The following UPP2 variants were observed in gnomAD, a reference collection of about 807,000 sequenced individuals.
UPP2 encodes uridine phosphorylase 2, also known as UPase 2.
UPP2 carries 23 observed loss-of-function variants against 26.7 expected under a neutral mutation model. The observed-to-expected ratio is 0.86, with a 90% CI of 0.62 to 1.22. UPP2 has a LOEUF of 1.22. Ranked by LOEUF, UPP2 falls within the 50% of genes most tolerant of loss-of-function variation. UPP2 has a pLI of 0.00. For synonymous variants in UPP2, 127 were observed against 141.3 expected (o/e 0.90, Z 0.72); for missense variants, 387 against 396.7 (o/e 0.98, Z 0.21).
rs187910529 is a variant in UPP2, at chr2:158,022,328, G to A, written c.147+6442G>A. Among the ~76,000 whole-genome samples the A allele has an allele frequency of 4.9e-3, 747 of 151,510 alleles. 9 individuals are homozygous for A. Among genetic ancestry groups the A allele is most frequent in the African/African-American group, 0.017 (697 of 41,364 alleles). The stretch of plus-strand genomic sequence containing the variant: ...CAAAAAATTAGCTGGGCGTAGTGGC[G>A]GGCGCCTGTAATCCCAGCTACTCAG... On this transcript the variant is annotated intron_variant, in intron 3 of 9. Coordinates refer to the UPP2 transcript ENST00000605860.
intron 2 of UPP2, among the ~76,000 whole-genome samples, chr2:158,012,263 CTTTTTTT>C (rs34807293): frequency 0.011 from 860 of 81,674 alleles, 11 homozygotes; most frequent in African/African-American, 0.033. Context: ...TTGTTTCTAC[CTTTTTTT>C]TTTTTTTTTT....
intron 3 of UPP2, among the ~76,000 whole-genome samples, chr2:158,116,618 A>G (rs1683436786): frequency 6.6e-6 from 1 of 152,220 alleles, no homozygotes; most frequent in Admixed American, 6.5e-5. Flanking sequence ...AAGAGAGCAC[A>G]AGTCCATTTG....
chr2:158,011,479 A>G lies in UPP2; in HGVS notation c.62-4322A>G, dbSNP rs532293057. 3.3e-5 allele frequency among the ~76,000 whole-genome samples: 5 copies of G among 152,118 alleles called. No homozygotes were observed. The South Asian group carries it at 6.2e-4, about 19-fold the overall frequency. ...AGCCCTCCTTTCCCATAAAGTTTTG[A>G]AAAAAAGCTAGGGAAGAAGTCTGAT... On this transcript the variant is annotated intron_variant, in intron 2 of 9. Transcript: ENST00000605860.
upstream of UPP2, among the ~76,000 whole-genome samples, chr2:158,098,626 G>C (rs7602989): frequency 0.026 from 3,951 of 152,270 alleles, 174 homozygotes; most frequent in African/African-American, 0.087. Context: ...CCCTTCTCTT[G>C]CTCCTTGCTC....
Position 158,102,166 on chromosome 2 carries a change from G to A in UPP2, c.62+41G>A. 5 of 1,600,890 alleles carry A rather than the reference G, an allele frequency of 3.1e-6. No homozygotes were observed. The African/African-American group carries it at 4.0e-5, about 13-fold the overall frequency. On this transcript the variant is annotated intron_variant, in intron 1 of 6. Coordinates refer to ENST00000005756, the MANE Select transcript of UPP2 (RefSeq NM_173355.4). ...TTTGTAAATTTGTTTTGATCAGATG[G>A]TTGCTCCTTGGATTTTGTATTAAAT...
chr2:158,046,938 G>T (rs1337372051), intron 3 of UPP2, among the ~76,000 whole-genome samples: 3 of 151,972 alleles, frequency 2.0e-5, no homozygotes, highest in African/African-American at 7.2e-5. Flanking sequence ...AGAATAGAAT[G>T]ATTTTCCAAA....
chr2:158,074,949 A>G (rs1362779939), intron 3 of UPP2, among the ~76,000 whole-genome samples: 1 of 152,190 alleles, frequency 6.6e-6, no homozygotes, highest in Admixed American at 6.5e-5. Context: ...TGCAAATGGA[A>G]ACCAAAAAAA....
intron 2 of UPP2, among the ~76,000 whole-genome samples, chr2:158,005,635 T>C (rs1683476595): frequency 6.6e-6 from 1 of 152,160 alleles, no homozygotes; most frequent in Non-Finnish European, 1.5e-5. Flanking sequence ...AGTTTTCAGT[T>C]TGAACATTTT....
chr2:158,007,730 C>G (rs1277866885), intron 2 of UPP2, among the ~76,000 whole-genome samples: 1 of 151,922 alleles, frequency 6.6e-6, no homozygotes, highest in African/African-American at 2.4e-5. Flanking sequence ...AAGCAATTCT[C>G]CTGCCTCAGC....
intron 3 of UPP2, among the ~76,000 whole-genome samples, chr2:158,116,059 T>C (rs914025065): frequency 2.0e-5 from 3 of 152,192 alleles, no homozygotes; most frequent in Admixed American, 6.5e-5. Context: ...CCATAGGGAA[T>C]AGGCATCATC....
intron 2 of UPP2, among the ~76,000 whole-genome samples, chr2:158,006,567 C>T (rs2105137428): frequency 6.6e-6 from 1 of 151,686 alleles, no homozygotes; most frequent in African/African-American, 2.4e-5. Context: ...CACTCAGATG[C>T]ATGGAAACTT....
At chr2:158,099,590 GGAGAGACATCTAAGAATTGA>G (rs368380479), upstream of UPP2, among the ~76,000 whole-genome samples, 219 of 152,256 alleles carry the variant, frequency 1.4e-3, 6 homozygotes, top group East Asian at 0.04. Context: ...GATACCCCAT[GGAGAGACATCTAAGAATTGA>G]GACTCTGGTC....
intron 3 of UPP2, among the ~76,000 whole-genome samples, chr2:158,038,457 G>T (rs1684036221): frequency 6.6e-6 from 1 of 152,188 alleles, no homozygotes; most frequent in Non-Finnish European, 1.5e-5. Flanking sequence ...GCACATGTTT[G>T]CTAGTGTTCT....
intron 3 of UPP2, among the ~76,000 whole-genome samples, chr2:158,033,368 T>C (rs1683953526): frequency 6.6e-6 from 1 of 152,202 alleles, no homozygotes; most frequent in Non-Finnish European, 1.5e-5. Flanking sequence ...TCCTGCTTTC[T>C]GCATTTAGCT....
intron 3 of UPP2, among the ~76,000 whole-genome samples, chr2:158,071,599 AAGG>A (rs1682542213): frequency 6.6e-6 from 1 of 150,504 alleles, no homozygotes; most frequent in Non-Finnish European, 1.5e-5. Flanking sequence ...CCTTCTATTT[AAGG>A]AGAAGAAAGC....
intron 3 of UPP2, among the ~76,000 whole-genome samples, chr2:158,065,093 T>C (rs1465661003): frequency 6.6e-6 from 1 of 152,184 alleles, no homozygotes; most frequent in Non-Finnish European, 1.5e-5. Context: ...CCATTTTCAA[T>C]GCATAAACAC....
chr2:157,995,558 T>A (rs1482958446), intron 2 of UPP2, among the ~76,000 whole-genome samples: 1 of 152,148 alleles, frequency 6.6e-6, no homozygotes, highest in Non-Finnish European at 1.5e-5. Flanking sequence ...ATCACCTTTT[T>A]AAACCATGAA....
At chr2:158,058,065 G>A (rs557771814) in intron 3 of UPP2, among the ~76,000 whole-genome samples, 18 of 152,132 alleles carry the variant, frequency 1.2e-4, no homozygotes, top group African/African-American at 3.9e-4. Flanking sequence ...AGGCCAAGGC[G>A]GGCGGATCAC....
rs374923344 is a variant in UPP2 at position 158,033,051 on chromosome 2, T to C, written c.147+17165T>C. Among the ~76,000 whole-genome samples, 2 of 152,180 alleles carry C rather than the reference T, an allele frequency of 1.3e-5. 1 individual carries two copies. Among genetic ancestry groups the C allele is most frequent in the South Asian group, 4.1e-4 (2 of 4,820 alleles). On this transcript the variant is annotated intron_variant, in intron 3 of 9. Transcript: ENST00000605860. ...TCAAATCCCGCTGTATAATTACCCCTAGGAGGCCAGGGGTCATTTAGAACA... is the reference window on the plus strand; with the variant it reads ...TCAAATCCCGCTGTATAATTACCCCCAGGAGGCCAGGGGTCATTTAGAACA...
Sources: allele counts gnomAD v4.1 joint callset (sites outside exome capture counted in the v4.1 genomes callset), GRCh38; gene constraint gnomAD v4.1.1; transcripts MANE v1.5; gene names NCBI Gene and HGNC (gene_info 2026-07-23, HGNC 2026-07-21).